INPP5A: variants seen among roughly 807,000 people sequenced by gnomAD.
The protein encoded by INPP5A is inositol polyphosphate-5-phosphatase A.
In INPP5A, 14 loss-of-function variants were observed where a neutral mutation model predicts 65.2. The observed-to-expected ratio is 0.21, with a 90% confidence interval of 0.14 to 0.34. INPP5A has a LOEUF of 0.34. Ranked by LOEUF, INPP5A falls within the 10% of genes least tolerant of loss-of-function variation. The pLI is 1.00. For missense variants in INPP5A, 431 were observed against 545.6 expected (o/e 0.79, Z 2.09); for synonymous variants, 207 against 208.3 (o/e 0.99, Z 0.05).
chr10:132,633,846 T>A (rs188193507), intron 2 of INPP5A, among the ~76,000 whole-genome samples: 18 of 152,300 alleles, frequency 1.2e-4, no homozygotes, highest in African/African-American at 3.9e-4. Flanking sequence ...AAACTTATTG[T>A]GACGATTTCA....
At chr10:132,670,247 CCCCCTGACCCCACA>C (rs1323405587) in intron 4 of INPP5A, among the ~76,000 whole-genome samples, 2 of 97,008 alleles carry the variant, frequency 2.1e-5, no homozygotes, top group South Asian at 9.1e-4. Flanking sequence ...TGACCCCACA[CCCCCTGACCCCACA>C]CCCCTGACCC....
intron 4 of INPP5A, among the ~76,000 whole-genome samples, chr10:132,672,350 C>G (rs565966464): frequency 1.3e-5 from 2 of 152,242 alleles, no homozygotes; most frequent in South Asian, 4.1e-4. Flanking sequence ...TATGGTTTGG[C>G]TGCGTCCCCA....
rs568099764 is a variant in INPP5A, at chr10:132,705,503, G to A, written c.475-2810G>A. 6.2e-4 allele frequency among the ~76,000 whole-genome samples: 95 copies of A among 152,376 alleles called. No homozygotes were observed. Among genetic ancestry groups the A allele is most frequent in the African/African-American group, 2.1e-3 (88 of 41,590 alleles). ...CAGTACCAGAGCCAGCTCGTGGTGT[G>A]AGGACGGATCCTCCTCGACGAGTAG... On this transcript the variant is annotated intron_variant, in intron 6 of 15. Transcript: ENST00000368594. The surrounding 1 kb of genome is among the most constrained non-coding windows in gnomAD (Gnocchi z 4.9).
intron 4 of INPP5A, among the ~76,000 whole-genome samples, chr10:132,685,763 G>A (rs1464042404): frequency 6.6e-6 from 1 of 152,214 alleles, no homozygotes; most frequent in Non-Finnish European, 1.5e-5. Context: ...AGTGCCTGCC[G>A]GGACGCGTTG....
At chr10:132,735,093 A>C (rs949181952) in intron 9 of INPP5A, among the ~76,000 whole-genome samples, 3 of 152,240 alleles carry the variant, frequency 2.0e-5, no homozygotes, top group African/African-American at 7.2e-5. Context: ...TTTCTGTCAA[A>C]CAGCAGCATG....
At chr10:132,640,676 C>T (rs952866145) in intron 2 of INPP5A, among the ~76,000 whole-genome samples, 8 of 152,248 alleles carry the variant, frequency 5.3e-5, no homozygotes, top group South Asian at 2.1e-4. Context: ...CAGTGGCCTC[C>T]GAGGGCCACA....
At position 132,651,505 on chromosome 10, in the gene INPP5A, C is replaced by T. The variant is rs1384207238; in HGVS notation, c.306+1000C>T. Among the ~76,000 whole-genome samples, 3 of 152,026 alleles carry T rather than the reference C, an allele frequency of 2.0e-5. No homozygotes were observed. Among genetic ancestry groups the T allele is most frequent in the Non-Finnish European group, 4.4e-5 (3 of 67,946 alleles). On this transcript the variant is annotated intron_variant, in intron 4 of 15. Coordinates refer to ENST00000368594, the MANE Select transcript of INPP5A (RefSeq NM_005539.5). This position sits in a 1 kb window ranked among gnomAD's most constrained non-coding sequence, Gnocchi z 5.0. ...ATCTCTGGGGAGGCCCTGGGTCCCC[C>T]GGCCTGGTTCCATCTCCCCCGTCTC... is the stretch of plus-strand genomic sequence containing the variant.
At chr10:132,681,756 T>C (rs2073048956) in intron 4 of INPP5A, among the ~76,000 whole-genome samples, 2 of 152,324 alleles carry the variant, frequency 1.3e-5, no homozygotes, top group South Asian at 4.1e-4. Flanking sequence ...CCCCAAAGAA[T>C]TGAGAGCAGT....
intron 1 of INPP5A, among the ~76,000 whole-genome samples, chr10:132,580,001 G>A (rs368782701): frequency 1.3e-5 from 2 of 149,844 alleles, no homozygotes; most frequent in Non-Finnish European, 3.0e-5. Context: ...GTCTGCCCCC[G>A]GGTTGTGGCC....
At chr10:132,708,267 T>A in intron 6 of INPP5A, 46 bp from the exon 7 acceptor site, 1 of 1,590,012 alleles carries the variant, frequency 6.3e-7, no homozygotes. Flanking sequence ...CGTGTTGCTC[T>A]TGCTCACTTA....
chr10:132,712,603 GGT>G (rs1222286172), intron 8 of INPP5A, among the ~76,000 whole-genome samples: 85 of 148,090 alleles, frequency 5.7e-4, no homozygotes, highest in Non-Finnish European at 1.2e-3. Flanking sequence ...TGTGTGCGCG[GGT>G]GTGTGGGTGC....
In INPP5A at chr10:132,625,703, C is replaced by A. The variant is rs73401219; in HGVS notation, c.117+17747C>A. 5.6e-3 allele frequency among the ~76,000 whole-genome samples: 847 copies of A among 152,256 alleles called. 7 individuals carry two copies. The highest frequency in any genetic ancestry group is 0.019 in the African/African-American group (798 of 41,538). On this transcript the variant is annotated intron_variant, in intron 2 of 15. Transcript: ENST00000368594. ...GGGCCCTGTGACTCTCAGTTCCTTT[C>A]TTTGGCTGAGGTCAGGGGCGTGCCT...
intron 1 of INPP5A, among the ~76,000 whole-genome samples, chr10:132,578,621 C>CTCTGTCAGGAGAGTGTGCGGGGA (rs1590843419): frequency 1.8e-5 from 1 of 55,556 alleles, no homozygotes; most frequent in Non-Finnish European, 4.0e-5. Flanking sequence ...GTGTGTGGGG[C>CTCTGTCAGGAGAGTGTGCGGGGA]GTCTCACCCA....
chr10:132,550,873 G>A lies in INPP5A; in HGVS notation c.75+12702G>A, dbSNP rs2071040352. Among the ~76,000 whole-genome samples the A allele has an allele frequency of 6.6e-6, 1 of 152,246 alleles. No homozygotes were observed. ...CTGTTGTCTCTTTGGCCACCAACTG[G>A]CCCCTATGGCGTTTGGCCTTCAGGG... On this transcript the variant is annotated intron_variant, in intron 1 of 15. Transcript: ENST00000368594. The surrounding 1 kb of genome is among the most constrained non-coding windows in gnomAD (Gnocchi z 4.2).
intron 1 of INPP5A, among the ~76,000 whole-genome samples, chr10:132,560,002 C>G (rs1187233239): frequency 1.3e-5 from 2 of 151,780 alleles, no homozygotes; most frequent in Non-Finnish European, 2.9e-5. Flanking sequence ...GTCTCCAGCT[C>G]TCTTGGGTGT....
In INPP5A at chr10:132,659,711, C is replaced by T. The variant is rs1250533412; in HGVS notation, c.306+9206C>T. Among the ~76,000 whole-genome samples, 1 of 152,230 alleles carries T rather than the reference C, an allele frequency of 6.6e-6. No homozygotes were observed. Among genetic ancestry groups the T allele is most frequent in the Admixed American group, 6.5e-5 (1 of 15,290 alleles). On this transcript the variant is annotated intron_variant, in intron 4 of 15. Transcript: ENST00000368594. The surrounding 1 kb of genome is among the most constrained non-coding windows in gnomAD (Gnocchi z 5.5). ...CGGATCAGGAGAACAACCCACTTGG[C>T]AGGCGGCAACCTTGCCTGGCACTCA...
intron 1 of INPP5A, among the ~76,000 whole-genome samples, chr10:132,595,458 C>G (rs1285596414): frequency 3.3e-5 from 5 of 152,198 alleles, no homozygotes; most frequent in Non-Finnish European, 7.3e-5. Context: ...CACTGCCGTC[C>G]TCACCTACAT....
chr10:132,771,765 CATGAAGAGTGGG>C (rs1846957832), intron 12 of INPP5A, among the ~76,000 whole-genome samples: 2 of 54,750 alleles, frequency 3.7e-5, no homozygotes, highest in Admixed American at 1.9e-4. Flanking sequence ...GCAGCCACCC[CATGAAGAGTGGG>C]ACGGACACTC....
At chr10:132,599,730 C>T (rs1009608564) in intron 1 of INPP5A, among the ~76,000 whole-genome samples, 3 of 152,252 alleles carry the variant, frequency 2.0e-5, no homozygotes, top group African/African-American at 7.2e-5. Context: ...CAAACTTTTG[C>T]CTGGACATCG....
Sources: gnomAD v4.1 joint callset for allele counts (sites outside exome capture counted in the v4.1 genomes callset) on GRCh38, gnomAD v4.1.1 for gene constraint, Gnocchi (gnomAD v3.1) non-coding constraint, MANE v1.5 for transcripts, NCBI Gene and HGNC (gene_info 2026-07-23, HGNC 2026-07-21) for gene names.